GLIS3: variants seen among roughly 807,000 people sequenced by gnomAD.
GLIS3 encodes the protein zinc finger protein GLIS3.
A neutral mutation model predicts 78.6 loss-of-function variants in GLIS3; 53 were observed. The ratio of observed to expected loss-of-function variants is 0.67; its 90% confidence interval spans 0.54 to 0.85. GLIS3 has a LOEUF of 0.85. Among genes scored for constraint, GLIS3 ranks in the 40% least tolerant of loss-of-function variants. The pLI, the probability that GLIS3 is intolerant of heterozygous loss-of-function variation, is 0.00. For synonymous variants in GLIS3, 684 were observed against 509.9 expected, an observed-to-expected ratio of 1.34 and a Z score of -4.60; for missense variants, 1,703 against 1,231.1, an observed-to-expected ratio of 1.38 and a Z score of -5.74.
intron 4 of GLIS3, among the ~76,000 whole-genome samples, chr9:4,088,648 T>C (rs7849831): frequency 0.41 from 62,159 of 152,174 alleles, 14,905 homozygotes; most frequent in African/African-American, 0.67. Flanking sequence ...AACTATATAT[T>C]GGATGTATTC....
intron 3 of GLIS3, among the ~76,000 whole-genome samples, chr9:4,123,284 G>C (rs4741893): frequency 0.37 from 56,788 of 151,870 alleles, 10,986 homozygotes; most frequent in Non-Finnish European, 0.41. Flanking sequence ...GTAATGAATG[G>C]TGTATTAGAA....
At chr9:4,102,172 TTCTATAAGAAA>T (rs1219298316) in intron 4 of GLIS3, among the ~76,000 whole-genome samples, 1 of 152,190 alleles carries the variant, frequency 6.6e-6, no homozygotes, top group Non-Finnish European at 1.5e-5. Flanking sequence ...ATGTCAGTAT[TTCTATAAGAAA>T]ACCCCAGGGT....
intron 9 of GLIS3, among the ~76,000 whole-genome samples, chr9:3,850,417 C>T (rs1315591492): frequency 6.6e-6 from 1 of 152,244 alleles, no homozygotes; most frequent in African/African-American, 2.4e-5. Flanking sequence ...TCTTCTCTTG[C>T]TATTCCAGCT....
intron 4 of GLIS3, among the ~76,000 whole-genome samples, chr9:3,976,757 G>T (rs911080407): frequency 1.1e-4 from 12 of 113,468 alleles, no homozygotes; most frequent in Middle Eastern, 8.8e-3. Context: ...CAGTGACAAG[G>T]TTTCTCTATG....
chr9:4,359,480 G>A, the GLIS3 span, among the ~76,000 whole-genome samples: 1 of 152,072 alleles, frequency 6.6e-6, no homozygotes, highest in Non-Finnish European at 1.5e-5. Flanking sequence ...ACCCCTTGGT[G>A]AGCTACTGCC....
the GLIS3 span, among the ~76,000 whole-genome samples, chr9:4,390,495 A>G: frequency 1.3e-5 from 2 of 152,094 alleles, no homozygotes; most frequent in Non-Finnish European, 2.9e-5. Flanking sequence ...CCTCCTGGAT[A>G]GCTGAGACTA....
intron 6 of GLIS3, among the ~76,000 whole-genome samples, chr9:3,908,525 T>C (rs1823875736): frequency 6.6e-6 from 1 of 152,168 alleles, no homozygotes; most frequent in Non-Finnish European, 1.5e-5. Flanking sequence ...CCTTCATTTT[T>C]ATACAATCTC....
chr9:3,979,052 G>C (rs1178273126), intron 4 of GLIS3, among the ~76,000 whole-genome samples: 3 of 152,086 alleles, frequency 2.0e-5, no homozygotes, highest in Non-Finnish European at 4.4e-5. Context: ...ATGGATTTTG[G>C]TATCCTCATG....
the GLIS3 span, among the ~76,000 whole-genome samples, chr9:4,396,770 T>TGGG: frequency 6.6e-6 from 1 of 152,208 alleles, no homozygotes; most frequent in South Asian, 2.1e-4. Flanking sequence ...TCGTTAGTCC[T>TGGG]TTCATGGAAC....
intron 4 of GLIS3, among the ~76,000 whole-genome samples, chr9:4,102,617 C>G (rs1830456862): frequency 6.6e-6 from 1 of 152,076 alleles, no homozygotes; most frequent in Non-Finnish European, 1.5e-5. Context: ...CAACAAAAAC[C>G]CAGTCCAAAT....
chr9:3,865,017 A>G (rs866137856), intron 8 of GLIS3, among the ~76,000 whole-genome samples: 17 of 152,122 alleles, frequency 1.1e-4, no homozygotes, highest in South Asian at 2.1e-4. Context: ...ACTTGGTGCA[A>G]ATGTCCAGCT....
intron 2 of GLIS3, among the ~76,000 whole-genome samples, chr9:4,272,668 T>G (rs779057574): frequency 4.6e-5 from 7 of 152,250 alleles, no homozygotes; most frequent in Non-Finnish European, 1.0e-4. Flanking sequence ...CAGAAACTTG[T>G]GTGTTTTACG....
chr9:4,140,597 G>C (rs990216277), intron 2 of GLIS3, among the ~76,000 whole-genome samples: 10 of 152,078 alleles, frequency 6.6e-5, no homozygotes, highest in Admixed American at 3.9e-4. Context: ...CCTCCCAGAA[G>C]TCCCCCAGAG....
intron 2 of GLIS3, among the ~76,000 whole-genome samples, chr9:4,339,349 G>T (rs749292060): frequency 4.6e-5 from 7 of 152,200 alleles, no homozygotes; most frequent in Non-Finnish European, 1.0e-4. Flanking sequence ...GACAGCCGAT[G>T]AATTGTGTTC....
chr9:4,185,900 CA>C (rs2131192645), intron 2 of GLIS3, among the ~76,000 whole-genome samples: 1 of 152,264 alleles, frequency 6.6e-6, no homozygotes, highest in African/African-American at 2.4e-5. Flanking sequence ...ACCAGCCTTT[CA>C]GGGAAGAGAG....
intron 2 of GLIS3, among the ~76,000 whole-genome samples, chr9:4,248,092 C>T (rs1455370048): frequency 1.3e-5 from 2 of 152,058 alleles, no homozygotes; most frequent in African/African-American, 4.8e-5. Context: ...ATGAATTCAA[C>T]TTTTTTCTTA....
At chr9:4,280,549 G>C (rs1827451135) in intron 2 of GLIS3, among the ~76,000 whole-genome samples, 1 of 152,116 alleles carries the variant, frequency 6.6e-6, no homozygotes, top group South Asian at 2.1e-4. Context: ...ACACAAAACA[G>C]CAGAAGGCCA....
intron 1 of GLIS3, among the ~76,000 whole-genome samples, chr9:4,294,094 A>T (rs1164527554): frequency 6.6e-6 from 1 of 152,024 alleles, no homozygotes; most frequent in African/African-American, 2.4e-5. Context: ...TCCAGATCCT[A>T]CTTATCCTCT....
intron 1 of GLIS3, among the ~76,000 whole-genome samples, chr9:4,297,764 A>C (rs777606292): frequency 4.5e-4 from 69 of 152,300 alleles, no homozygotes; most frequent in Non-Finnish European, 8.5e-4. Context: ...AGGCACACAG[A>C]GCAGTGGTCT....
Sources: gnomAD v4.1 joint callset for allele counts (sites outside exome capture counted in the v4.1 genomes callset) on GRCh38, gnomAD v4.1.1 for gene constraint, MANE v1.5 for transcripts, NCBI Gene and HGNC (gene_info 2026-07-23, HGNC 2026-07-21) for gene names.